Variants in MID1 observed in about 807,000 individuals in gnomAD.
MID1 encodes midline 1, also known as E3 ubiquitin-protein ligase Midline-1.
A neutral mutation model predicts 40.4 loss-of-function variants in MID1; 7 were observed. That is an observed-to-expected ratio of 0.17 (90% CI 0.10 to 0.33). MID1 has a LOEUF of 0.33. Ranked by LOEUF, MID1 falls within the 10% of genes least tolerant of loss-of-function variation. The pLI, the probability that MID1 is intolerant of heterozygous loss-of-function variation, is 1.00. For synonymous variants in MID1, 229 were observed against 221.2 expected (o/e 1.04, Z -0.31); for missense variants, 367 against 558.5 (o/e 0.66, Z 3.46).
chrX:10,562,386 A>G (rs184291553), intron 2 of MID1, among the ~76,000 whole-genome samples: 1,611 of 103,359 alleles, frequency 0.016, 239 homozygotes, highest in African/African-American at 0.056. Flanking sequence ...AAAAAAAAAA[A>G]AAAAAGAAAA....
At chrX:10,508,075 A>G (rs1377510644) in intron 3 of MID1, among the ~76,000 whole-genome samples, 2 of 112,538 alleles carry the variant, frequency 1.8e-5, no homozygotes, top group Non-Finnish European at 3.8e-5. Context: ...AGCAAATCTT[A>G]GGGATTTGTT....
intron 2 of MID1, among the ~76,000 whole-genome samples, chrX:10,536,609 A>G (rs776128245): frequency 2.7e-5 from 3 of 112,765 alleles, no homozygotes; most frequent in Non-Finnish European, 5.6e-5. Flanking sequence ...GAGACTTGCC[A>G]GTTATAACAA....
intron 2 of MID1, among the ~76,000 whole-genome samples, chrX:10,555,158 A>C (rs1299208276): frequency 1.8e-5 from 2 of 111,828 alleles, no homozygotes; most frequent in African/African-American, 6.5e-5. Context: ...GCACGTGAGA[A>C]GGGCTAGCAG....
At chrX:10,740,391 C>T (rs1464999415) in intron 1 of MID1, among the ~76,000 whole-genome samples, 2 of 112,408 alleles carry the variant, frequency 1.8e-5, no homozygotes, top group East Asian at 2.8e-4. Flanking sequence ...TCAGGGGTTC[C>T]GATGTTGAAG....
intron 2 of MID1, 139 bp from the exon 3 acceptor site, chrX:10,523,326 T>G: frequency 2.1e-6 from 1 of 483,404 alleles, no homozygotes; most frequent in Non-Finnish European, 3.5e-6. Context: ...TTTCAAGTAT[T>G]TATAGATTTA....
chrX:10,464,291 T>C (rs916607885), intron 7 of MID1, among the ~76,000 whole-genome samples: 13 of 112,387 alleles, frequency 1.2e-4, no homozygotes, highest in Middle Eastern at 9.2e-3. Context: ...TCTATTCTAT[T>C]AATGCATCAT....
intron 1 of MID1, among the ~76,000 whole-genome samples, chrX:10,593,039 T>G (rs951691831): frequency 8.9e-6 from 1 of 112,202 alleles, no homozygotes; most frequent in Non-Finnish European, 1.9e-5. Flanking sequence ...CCATGGATTT[T>G]TACAGTAATT....
intron 1 of MID1, among the ~76,000 whole-genome samples, chrX:10,644,691 C>G (rs1370431922): frequency 2.7e-5 from 3 of 110,883 alleles, no homozygotes; most frequent in African/African-American, 9.8e-5. Flanking sequence ...TTCAAGCAAC[C>G]TAATTAGTAT....
intron 1 of MID1, among the ~76,000 whole-genome samples, chrX:10,649,279 G>T (rs1936293469): frequency 8.9e-6 from 1 of 111,959 alleles, no homozygotes; most frequent in Non-Finnish European, 1.9e-5. Flanking sequence ...TTAAGAAAAT[G>T]ATGTCTGGAG....
In MID1 at chrX:10,626,883, C is replaced by G. The variant is rs1464032082; in HGVS notation, c.-186-6464G>C. 1.8e-5 allele frequency among the ~76,000 whole-genome samples: 2 copies of G among 111,508 alleles called. 1 individual carries two copies. The highest frequency in any genetic ancestry group is 3.8e-5 in the Non-Finnish European group (2 of 53,117). Reference sequence around the variant, plus strand: ...GAATGTGGTATTGGGATGAGGAGGGCTAATTCCTTTTTGATCATATGTAGA... The same window carrying G: ...GAATGTGGTATTGGGATGAGGAGGGGTAATTCCTTTTTGATCATATGTAGA... On this transcript the variant is annotated intron_variant, in intron 1 of 10. Transcript: ENST00000380785.
intron 1 of MID1, among the ~76,000 whole-genome samples, chrX:10,662,817 C>A (rs1289307870): frequency 9.0e-6 from 1 of 110,725 alleles, no homozygotes; most frequent in African/African-American, 3.3e-5. Context: ...AGAGGTCCAG[C>A]TTTGGCTCAG....
chrX:10,656,118 G>A (rs2042870407), intron 1 of MID1, among the ~76,000 whole-genome samples: 1 of 111,976 alleles, frequency 8.9e-6, no homozygotes, highest in South Asian at 3.7e-4. Flanking sequence ...ACAATTTTTT[G>A]CCATTTGCAA....
rs770005135 is a variant in MID1, at chrX:10,703,363, G to A, written c.-186-82944C>T. Among the ~76,000 whole-genome samples, 7 of 112,456 alleles carry A rather than the reference G, an allele frequency of 6.2e-5. No homozygotes were observed. In the Admixed American group the frequency reaches 6.6e-4, roughly 11 times the overall value. On this transcript the variant is annotated intron_variant, in intron 1 of 10. Transcript: ENST00000380785. ...AGTAACTGCAAAATATAAGCAGATA[G>A]TTGTTAAGTTTATTATATCAGGCTG...
At chrX:10,674,531 GA>G (rs2043009123) in intron 1 of MID1, among the ~76,000 whole-genome samples, 1 of 112,168 alleles carries the variant, frequency 8.9e-6, no homozygotes, top group Non-Finnish European at 1.9e-5. Context: ...AGGCAGTAGT[GA>G]AAAATGGCCA....
chrX:10,505,807 G>A (rs1931799120), intron 3 of MID1: 4 of 751,545 alleles, frequency 5.3e-6, no homozygotes, highest in Admixed American at 8.8e-5. Flanking sequence ...TTCTCATTAA[G>A]TGACATTCCT....
intron 4 of MID1, among the ~76,000 whole-genome samples, chrX:10,492,470 T>G (rs1284290624): frequency 8.9e-6 from 1 of 111,907 alleles, no homozygotes; most frequent in Non-Finnish European, 1.9e-5. Flanking sequence ...CTGTTCTGTG[T>G]GGGTATCAGA....
At chrX:10,694,844 C>T (rs1385333886) in intron 1 of MID1, among the ~76,000 whole-genome samples, 1 of 112,015 alleles carries the variant, frequency 8.9e-6, no homozygotes, top group Non-Finnish European at 1.9e-5. Context: ...CCTTAAACTG[C>T]CCTTGGTCCT....
At chrX:10,763,371 T>G (rs2043696569) in intron 1 of MID1, among the ~76,000 whole-genome samples, 1 of 91,832 alleles carries the variant, frequency 1.1e-5, no homozygotes, top group Non-Finnish European at 2.1e-5. Flanking sequence ...TGTGTCCAAG[T>G]GTTCTCATTG....
At chrX:10,819,321 T>C (rs2044159514) in intron 1 of MID1, among the ~76,000 whole-genome samples, 1 of 112,194 alleles carries the variant, frequency 8.9e-6, no homozygotes, top group Non-Finnish European at 1.9e-5. Flanking sequence ...TGAAATTAAT[T>C]TGTATTGTAA....
Sources: gnomAD v4.1 joint callset for allele counts (sites outside exome capture counted in the v4.1 genomes callset) on GRCh38, gnomAD v4.1.1 for gene constraint, MANE v1.5 for transcripts, NCBI Gene and HGNC (gene_info 2026-07-23, HGNC 2026-07-21) for gene names.